TXLNB: variants seen among roughly 807,000 people sequenced by gnomAD.
TXLNB encodes beta-taxilin.
A neutral mutation model predicts 57.4 loss-of-function variants in TXLNB; 37 were observed. The observed-to-expected ratio is 0.64, with a 90% confidence interval of 0.50 to 0.85. The LOEUF is 0.85. TXLNB is among the 40% of genes least tolerant of loss of function. The pLI is 0.00. For missense variants in TXLNB, 848 were observed against 825.6 expected, an observed-to-expected ratio of 1.03 and a Z score of -0.33; for synonymous variants, 302 against 309.6, an observed-to-expected ratio of 0.98 and a Z score of 0.26.
rs987958803 is a variant in TXLNB, at chr6:139,269,556, G to T, written c.687+900C>A. The stretch of plus-strand genomic sequence containing the variant: ...TTCCCAAATATCAAAAAACAATTTG[G>T]GAAAATGAGGAACCATGATTCTCTT... On this transcript the variant is annotated intron_variant, in intron 4 of 9. Transcript: ENST00000358430. Among the ~76,000 whole-genome samples, 6 of 152,202 alleles carry T rather than the reference G, an allele frequency of 3.9e-5. No individual in the cohort carries two copies. The East Asian group carries it at 9.6e-4, about 24-fold the overall frequency.
At chr6:139,214,308 G>A in the TXLNB span, among the ~76,000 whole-genome samples, 1 of 152,226 alleles carries the variant, frequency 6.6e-6, no homozygotes, top group African/African-American at 2.4e-5. Context: ...TCCCTGGGAT[G>A]CAAGGCTGGT....
chr6:139,306,172 G>A, the TXLNB span, among the ~76,000 whole-genome samples: 12 of 152,116 alleles, frequency 7.9e-5, no homozygotes, highest in African/African-American at 2.9e-4. Flanking sequence ...AATAAATGAG[G>A]TCCTTAAGGT....
chr6:139,221,482 C>CT, the TXLNB span, among the ~76,000 whole-genome samples: 29 of 151,352 alleles, frequency 1.9e-4, no homozygotes, highest in African/African-American at 4.8e-4. Context: ...TTCTTTCTTT[C>CT]TTTTTTTTTC....
chr6:139,235,723 G>A (rs1409122818), downstream of TXLNB, among the ~76,000 whole-genome samples: 2 of 152,052 alleles, frequency 1.3e-5, no homozygotes, highest in Non-Finnish European at 2.9e-5. Context: ...GGACCGAGGT[G>A]AGGACAGGCA....
chr6:139,192,979 A>G, the TXLNB span, among the ~76,000 whole-genome samples: 1 of 149,066 alleles, frequency 6.7e-6, no homozygotes, highest in East Asian at 1.9e-4. Context: ...AAAAAACAAA[A>G]AAAAAAAACA....
chr6:139,182,159 A>AAAC, the TXLNB span, among the ~76,000 whole-genome samples: 1 of 152,234 alleles, frequency 6.6e-6, no homozygotes, highest in African/African-American at 2.4e-5. Flanking sequence ...TGAAATCCAC[A>AAAC]AACATTAGAA....
At chr6:139,178,283 GCATTCCAAAATA>G in the TXLNB span, 1 of 152,092 alleles carries the variant, frequency 6.6e-6, no homozygotes, top group Non-Finnish European at 1.5e-5. Context: ...AGAGCATTGG[GCATTCCAAAATA>G]CAGCCTTTGG....
At chr6:139,307,354 TAA>T in the TXLNB span, among the ~76,000 whole-genome samples, 1 of 152,182 alleles carries the variant, frequency 6.6e-6, no homozygotes, top group Admixed American at 6.5e-5. Flanking sequence ...CACCCCTGGC[TAA>T]GTTTTTATTT....
the TXLNB span, among the ~76,000 whole-genome samples, chr6:139,175,999 A>C: frequency 6.6e-6 from 1 of 152,378 alleles, no homozygotes; most frequent in South Asian, 2.1e-4. Flanking sequence ...GGAAGTCTTC[A>C]ATAAGATGTA....
chr6:139,264,978 T>C (rs549185796), intron 4 of TXLNB, among the ~76,000 whole-genome samples: 1 of 152,322 alleles, frequency 6.6e-6, no homozygotes, highest in African/African-American at 2.4e-5. Context: ...ATCTTTTCTT[T>C]ATCAAATACA....
At chr6:139,278,325 C>T (rs1685844038) in intron 2 of TXLNB, among the ~76,000 whole-genome samples, 1 of 152,080 alleles carries the variant, frequency 6.6e-6, no homozygotes, top group Non-Finnish European at 1.5e-5. Context: ...TTTAAATGAC[C>T]TCATTCCCAA....
rs767709159 is a variant in TXLNB at position 139,270,495 on chromosome 6, ACT to A, written c.646_647del (p.Leu217ValfsTer21). 2 of 1,613,856 alleles carry A rather than the reference ACT, an allele frequency of 1.2e-6. No homozygotes were observed. Among genetic ancestry groups the A allele is most frequent in the Middle Eastern group, 1.7e-4 (1 of 6,060 alleles). The part of the protein sequence containing the change: ...RAILARSKLE[S>X]LCRELQRHNK... ...TGTGTCTCTGCAGCTCCCGGCACAG[ACT>A]CTCCAATTTGCTTCGAGCGAGGATA... On this transcript the variant is annotated frameshift_variant, in exon 4 of 10. Transcript: ENST00000358430. LOFTEE classifies it high-confidence loss of function.
intron 4 of TXLNB, among the ~76,000 whole-genome samples, chr6:139,265,442 G>T (rs185651055): frequency 4.9e-4 from 75 of 152,144 alleles, no homozygotes; most frequent in African/African-American, 1.8e-3. Context: ...GTGTGTGTGT[G>T]TGTCTGTGTG....
rs1458151379 is a variant in TXLNB, at chr6:139,281,634, C to T, written c.425-4713G>A. Among the ~76,000 whole-genome samples the T allele has an allele frequency of 1.9e-5, 2 of 104,200 alleles. 1 individual carries two copies. The highest frequency in any genetic ancestry group is 3.5e-5 in the Non-Finnish European group (2 of 57,170). The allele number at this position is 104,200 out of a possible 152,430, so 68.4% of individuals were successfully genotyped here. On this transcript the variant is annotated intron_variant, in intron 2 of 9. Transcript: ENST00000358430. Reference sequence around the variant, plus strand: ...CGCGATCTCGGCTCACTGCAAGCTCCGCCTCCCGGGTTCACGCCATTCTCC... The same window carrying T: ...CGCGATCTCGGCTCACTGCAAGCTCTGCCTCCCGGGTTCACGCCATTCTCC...
intron 4 of TXLNB, among the ~76,000 whole-genome samples, chr6:139,263,376 T>G (rs189712274): frequency 2.0e-4 from 30 of 152,326 alleles, no homozygotes; most frequent in Admixed American, 8.5e-4. Flanking sequence ...AGGGAATCTT[T>G]CCAAACATGC....
At chr6:139,172,948 A>G in the TXLNB span, among the ~76,000 whole-genome samples, 1 of 152,198 alleles carries the variant, frequency 6.6e-6, no homozygotes, top group African/African-American at 2.4e-5. Flanking sequence ...CATTATGGTC[A>G]TCGTTAGCAA....
chr6:139,313,439 A>G, the TXLNB span, among the ~76,000 whole-genome samples: 7 of 148,110 alleles, frequency 4.7e-5, no homozygotes, highest in South Asian at 2.1e-4. Flanking sequence ...TGGCAGGAAG[A>G]AAAAAAAAAA....
the TXLNB span, among the ~76,000 whole-genome samples, chr6:139,305,614 A>T: frequency 6.6e-6 from 1 of 152,190 alleles, no homozygotes; most frequent in Non-Finnish European, 1.5e-5. Context: ...TCACATATTT[A>T]AAAAATCCCA....
chr6:139,246,071 G>A (rs1363049741), intron 8 of TXLNB, among the ~76,000 whole-genome samples: 1 of 131,954 alleles, frequency 7.6e-6, no homozygotes, highest in Non-Finnish European at 1.6e-5. Context: ...ACAAAAATGT[G>A]CATATGTGCA....
Sources: gnomAD v4.1 joint callset for allele counts (sites outside exome capture counted in the v4.1 genomes callset) on GRCh38, gnomAD v4.1.1 for gene constraint, MANE v1.5 for transcripts, NCBI Gene and HGNC (gene_info 2026-07-23, HGNC 2026-07-21) for gene names.